Variants in FAM107A observed in about 807,000 individuals in gnomAD.
FAM107A encodes the protein family with sequence similarity 107 member A.
FAM107A carries 19 observed loss-of-function variants against 13.7 expected under a neutral mutation model. The ratio of observed to expected loss-of-function variants is 1.38; its 90% CI spans 0.97 to 2.03. The LOEUF (loss-of-function observed/expected upper bound fraction) is 2.03, where lower values mean the gene tolerates loss of function less well. Ranked by LOEUF, FAM107A falls within the 30% of genes most tolerant of loss-of-function variation. The pLI is 0.00. For missense variants in FAM107A, 203 were observed against 184.4 expected (o/e 1.10, Z -0.58); for synonymous variants, 82 against 74.5 (o/e 1.10, Z -0.52).
chr3:58,601,754 G>A (rs1365735199), intron 1 of FAM107A, among the ~76,000 whole-genome samples: 1 of 152,122 alleles, frequency 6.6e-6, no homozygotes, highest in African/African-American at 2.4e-5. Context: ...CAAAAGTACT[G>A]GATTTTAAAG....
At chr3:58,568,397 T>G (rs1042070985) in intron 2 of FAM107A, among the ~76,000 whole-genome samples, 74 of 150,884 alleles carry the variant, frequency 4.9e-4, no homozygotes, top group African/African-American at 1.7e-3. Context: ...GTCGCGCCAC[T>G]GCACTCCAGC....
chr3:58,587,367 T>A (rs28599996), upstream of FAM107A, among the ~76,000 whole-genome samples: 19,534 of 152,164 alleles, frequency 0.13, 1,596 homozygotes, highest in African/African-American at 0.23. Flanking sequence ...AAGCTGTGTG[T>A]CCCCACGATT....
chr3:58,618,686 T>A (rs35212018), intron 1 of FAM107A, among the ~76,000 whole-genome samples: 66,412 of 152,126 alleles, frequency 0.44, 14,995 homozygotes, highest in South Asian at 0.56. Flanking sequence ...GGCCCGAGGA[T>A]GGGGGGAAGG....
intron 1 of FAM107A, among the ~76,000 whole-genome samples, chr3:58,596,727 A>T (rs1258210896): frequency 6.6e-6 from 1 of 152,090 alleles, no homozygotes; most frequent in African/African-American, 2.4e-5. Context: ...TGTGCAGCTC[A>T]GTGAGGTTTT....
chr3:58,574,520 A>C (rs764480479), intron 1 of FAM107A, among the ~76,000 whole-genome samples: 1 of 152,164 alleles, frequency 6.6e-6, no homozygotes, highest in Non-Finnish European at 1.5e-5. Context: ...CACAGTTCTT[A>C]GCAGCTGTGT....
At chr3:58,586,372 G>A (rs571637529) in intron 1 of FAM107A, among the ~76,000 whole-genome samples, 7 of 152,078 alleles carry the variant, frequency 4.6e-5, no homozygotes, top group South Asian at 4.2e-4. Context: ...ATCCCCAAAA[G>A]GATGAATGCA....
intron 1 of FAM107A, among the ~76,000 whole-genome samples, chr3:58,601,402 T>C (rs1472213986): frequency 6.6e-6 from 1 of 152,236 alleles, no homozygotes; most frequent in Non-Finnish European, 1.5e-5. Context: ...ACACTGAATG[T>C]GCCAGGCTAC....
In FAM107A at chr3:58,623,729, G is replaced by T. The variant is rs568739646; in HGVS notation, c.-70+3687C>A. 2.5e-3 allele frequency among the ~76,000 whole-genome samples: 376 copies of T among 152,308 alleles called. 10 individuals are homozygous for T. Among genetic ancestry groups the T allele is most frequent in the Admixed American group, 0.023 (348 of 15,300 alleles). ...TCAAATGTTAACTCCACCCTTACTA[G>T]CTGGGTGACCCTGAGCCTCTTGCTT... On this transcript the variant is annotated intron_variant, in intron 1 of 3. Coordinates refer to the FAM107A transcript ENST00000465970.
At chr3:58,583,826 A>T (rs985438257) in intron 1 of FAM107A, among the ~76,000 whole-genome samples, 1 of 152,014 alleles carries the variant, frequency 6.6e-6, no homozygotes, top group Non-Finnish European at 1.5e-5. Flanking sequence ...GACCACAGGC[A>T]TGCACCACCA....
intron 1 of FAM107A, among the ~76,000 whole-genome samples, chr3:58,610,808 G>A (rs2065846700): frequency 6.6e-6 from 1 of 152,194 alleles, no homozygotes; most frequent in African/African-American, 2.4e-5. Context: ...CCACTCTTCT[G>A]GCATTTGACT....
At chr3:58,615,950 G>C (rs914100863) in intron 1 of FAM107A, among the ~76,000 whole-genome samples, 3 of 149,696 alleles carry the variant, frequency 2.0e-5, no homozygotes, top group Non-Finnish European at 1.5e-5. Flanking sequence ...GAAACCAGAA[G>C]GAGTCAATCA....
At chr3:58,622,344 G>A (rs545426293) in intron 1 of FAM107A, among the ~76,000 whole-genome samples, 1 of 152,314 alleles carries the variant, frequency 6.6e-6, no homozygotes, top group South Asian at 2.1e-4. Flanking sequence ...GGGAGACTGA[G>A]GCAGGAGAAT....
upstream of FAM107A, among the ~76,000 whole-genome samples, chr3:58,592,039 G>C (rs1340184716): frequency 6.6e-6 from 1 of 152,210 alleles, no homozygotes; most frequent in Admixed American, 6.5e-5. Flanking sequence ...GAATTGCCTG[G>C]GGTCCTGGTG....
upstream of FAM107A, chr3:58,589,141 T>C: frequency 9.3e-7 from 1 of 1,072,658 alleles, no homozygotes; most frequent in Non-Finnish European, 1.4e-6. Context: ...TGGGATGTAC[T>C]TTTGTGGAGT....
In FAM107A at chr3:58,569,071, C is replaced by T. The variant is rs991850347; in HGVS notation, c.170+620G>A. ...CTTGTGCCCCTGCTGTAGACCTTTC[C>T]TTAGTCCATCCTTCTGCCCTGGCCT... On this transcript the variant is annotated intron_variant, in intron 2 of 3. Transcript: ENST00000360997. This position sits in a 1 kb window ranked among gnomAD's most constrained non-coding sequence, Gnocchi z 5.7. 2.6e-5 allele frequency among the ~76,000 whole-genome samples: 4 copies of T among 152,206 alleles called. No individual in the cohort carries two copies. The highest frequency in any genetic ancestry group is 4.4e-5 in the Non-Finnish European group (3 of 68,030).
chr3:58,627,510 C>T (rs2066031264), exon 1 of FAM107A: 1 of 155,842 alleles, frequency 6.4e-6, no homozygotes, highest in Non-Finnish European at 1.4e-5. Context: ...CGGATGTCAG[C>T]TTCAGCTGGA....
At chr3:58,567,421 C>T in intron 2 of FAM107A, 57 bp from the exon 3 acceptor site, 1 of 1,547,662 alleles carries the variant, frequency 6.5e-7, no homozygotes, top group South Asian at 1.2e-5. Flanking sequence ...TTCCCCCAGC[C>T]TCAGGGCTGC....
chr3:58,587,025 C>T (rs1403240889), exon 1 of FAM107A: 9 of 1,371,516 alleles, frequency 6.6e-6, no homozygotes, highest in Non-Finnish European at 7.5e-6. Flanking sequence ...GCCTCCGCGA[C>T]GGTGACGCGG....
chr3:58,566,723 G>A, intron 3 of FAM107A, 28 bp from the exon 4 acceptor site: 2 of 1,553,644 alleles, frequency 1.3e-6, no homozygotes, highest in Non-Finnish European at 8.9e-7. Context: ...AGAGAGTGAA[G>A]TGGGTGGAGC....
Sources: allele counts gnomAD v4.1 joint callset (sites outside exome capture counted in the v4.1 genomes callset), GRCh38; gene constraint gnomAD v4.1.1; non-coding constraint Gnocchi (gnomAD v3.1); transcripts MANE v1.5; gene names NCBI Gene and HGNC (gene_info 2026-07-23, HGNC 2026-07-21).